Variants in ATP2B1 observed in about 807,000 individuals in gnomAD.
ATP2B1 encodes ATPase plasma membrane Ca2+ transporting 1.
A neutral mutation model predicts 124.2 loss-of-function variants in ATP2B1; 14 were observed. That is an observed-to-expected ratio of 0.11 (90% CI 0.07 to 0.18). ATP2B1 has a LOEUF of 0.18. ATP2B1 is among the 10% of genes least tolerant of loss of function. The pLI, the probability that ATP2B1 is intolerant of heterozygous loss-of-function variation, is 1.00. For missense variants in ATP2B1, 763 were observed against 1,466.1 expected (o/e 0.52, Z 7.83); for synonymous variants, 449 against 492.4 (o/e 0.91, Z 1.17).
chr12:89,614,689 G>C (rs1255387119), intron 12 of ATP2B1, among the ~76,000 whole-genome samples: 4 of 152,170 alleles, frequency 2.6e-5, no homozygotes, highest in Non-Finnish European at 4.4e-5. Flanking sequence ...GATTTCTTCA[G>C]ACTAGCCCAC....
At chr12:89,659,387 C>A (rs955386977) in intron 1 of ATP2B1, among the ~76,000 whole-genome samples, 1 of 151,858 alleles carries the variant, frequency 6.6e-6, no homozygotes, top group African/African-American at 2.4e-5. Flanking sequence ...CACACACGCA[C>A]AAGCACACGT....
Position 89,635,057 on chromosome 12 carries a change from G to T in ATP2B1, c.601C>A (p.Gln201Lys), listed in dbSNP as rs758047541. The T allele has an allele frequency of 6.2e-6, 10 of 1,613,816 alleles. No homozygotes were observed. The African/African-American group carries it at 1.3e-4, about 22-fold the overall frequency. Residue 201 changes from glutamine to lysine, a missense_variant, in exon 4 of 21, where the codon CAG becomes AAG. This residue lies in a region of ATP2B1 where 392 missense variants were observed against 776.6 expected (regional missense o/e 0.50). Transcript: ENST00000428670. Reference protein sequence around the residue: ...EQKFTVIRGGQVIQIPVADIT... With the variant: ...EQKFTVIRGGKVIQIPVADIT... ...TCAGCTACAGGTATCTGAATGACCT[G>T]ACCACCCCTGATGACAGTGAACTTC...
intron 1 of ATP2B1, among the ~76,000 whole-genome samples, chr12:89,683,408 C>T (rs1889594237): frequency 6.6e-6 from 1 of 152,136 alleles, no homozygotes. Flanking sequence ...CTTGGAATGC[C>T]CACTCTTCGG....
chr12:89,690,061 T>C (rs964756148), intron 1 of ATP2B1, among the ~76,000 whole-genome samples: 1 of 152,094 alleles, frequency 6.6e-6, no homozygotes, highest in Admixed American at 6.6e-5. Flanking sequence ...GGATTCTTTG[T>C]GGTAAGCTTT....
At chr12:89,691,320 A>G (rs1890534563) in intron 1 of ATP2B1, among the ~76,000 whole-genome samples, 1 of 152,158 alleles carries the variant, frequency 6.6e-6, no homozygotes, top group East Asian at 1.9e-4. Flanking sequence ...ATGACCTCAA[A>G]TATTAAAGTC....
chr12:89,668,460 T>C (rs1202331601), intron 1 of ATP2B1, among the ~76,000 whole-genome samples: 1 of 152,102 alleles, frequency 6.6e-6, no homozygotes, highest in South Asian at 2.1e-4. Context: ...AGAAAAAACA[T>C]ACAGTTTTCA....
At chr12:89,639,427 C>A (rs897598472) in intron 3 of ATP2B1, among the ~76,000 whole-genome samples, 1 of 151,982 alleles carries the variant, frequency 6.6e-6, no homozygotes, top group Non-Finnish European at 1.5e-5. Context: ...TCGCTTGAAC[C>A]TTGGAGATGG....
At chr12:89,658,631 G>GAGAGAGAGAGAT (rs1886278857) in intron 1 of ATP2B1, among the ~76,000 whole-genome samples, 1 of 151,332 alleles carries the variant, frequency 6.6e-6, no homozygotes, top group Non-Finnish European at 1.5e-5. Context: ...GAGAGAGAGA[G>GAGAGAGAGAGAT]AGAGAGAGAG....
intron 2 of ATP2B1, among the ~76,000 whole-genome samples, chr12:89,643,103 CGTAT>C (rs1883851935): frequency 6.9e-6 from 1 of 143,958 alleles, no homozygotes; most frequent in African/African-American, 2.6e-5. Flanking sequence ...TATATACATA[CGTAT>C]ATATATACGT....
rs528126516 is a variant in ATP2B1, at chr12:89,620,289, G to A, written c.1588-49C>T. 7.5e-4 allele frequency: 1,196 copies of A among 1,587,532 alleles called. 17 individuals carry two copies. The South Asian group carries it at 0.013, about 17-fold the overall frequency. On this transcript the variant is annotated intron_variant, in intron 10 of 20. Transcript: ENST00000428670. ...GCTAGTATCTCGTTTCTCTAAGAACGTTTAATTTATAATGTAAAACAGACT... is the reference window on the plus strand; with the variant it reads ...GCTAGTATCTCGTTTCTCTAAGAACATTTAATTTATAATGTAAAACAGACT...
At chr12:89,593,070 A>G (rs896037654) in intron 20 of ATP2B1, among the ~76,000 whole-genome samples, 5 of 151,964 alleles carry the variant, frequency 3.3e-5, no homozygotes, top group Admixed American at 6.6e-5. Context: ...ATATTTTTCA[A>G]CTTCTTTTAT....
At chr12:89,610,843 A>G (rs1877874492) in intron 13 of ATP2B1, 1 of 339,924 alleles carries the variant, frequency 2.9e-6, no homozygotes, top group Non-Finnish European at 5.3e-6. Flanking sequence ...TTAATTTAGC[A>G]TAAGAAGTTC....
At chr12:89,623,387 G>GT (rs1175716606) in intron 9 of ATP2B1, among the ~76,000 whole-genome samples, 1 of 147,124 alleles carries the variant, frequency 6.8e-6, no homozygotes, top group East Asian at 2.0e-4. Flanking sequence ...CACCTTTTCC[G>GT]TAAGATAGAA....
intron 12 of ATP2B1, among the ~76,000 whole-genome samples, chr12:89,615,003 C>G (rs1014473867): frequency 6.6e-6 from 1 of 152,082 alleles, no homozygotes; most frequent in Non-Finnish European, 1.5e-5. Flanking sequence ...ATGTCACTTC[C>G]CAGCCTGAAT....
chr12:89,596,400 T>C (rs1874619574), intron 20 of ATP2B1, among the ~76,000 whole-genome samples: 1 of 152,104 alleles, frequency 6.6e-6, no homozygotes, highest in South Asian at 2.1e-4. Flanking sequence ...GGTTGGAGAC[T>C]AGACTCATAA....
chr12:89,612,534 A>T (rs758357717), intron 12 of ATP2B1, among the ~76,000 whole-genome samples: 5 of 152,088 alleles, frequency 3.3e-5, no homozygotes, highest in Non-Finnish European at 5.9e-5. Context: ...AGAACCTGTA[A>T]CTGCAAAAGA....
At chr12:89,680,865 A>G (rs1889262171) in intron 1 of ATP2B1, among the ~76,000 whole-genome samples, 1 of 152,224 alleles carries the variant, frequency 6.6e-6, no homozygotes, top group Non-Finnish European at 1.5e-5. Flanking sequence ...AAAAGTAAGA[A>G]AACTAGACTT....
rs571648330 is a variant in ATP2B1, at chr12:89,588,674, C to T, written c.*2310G>A. 2 of 152,442 alleles carry T rather than the reference C, an allele frequency of 1.3e-5. No individual in the cohort carries two copies. The highest frequency in any genetic ancestry group is 1.9e-4 in the East Asian group (1 of 5,188). The allele number at this position is 152,442 out of a possible 1,614,324, so 9.4% of individuals were successfully genotyped here. On this transcript the variant is annotated 3_prime_UTR_variant, in exon 21 of 21. Coordinates refer to ENST00000428670, the MANE Select transcript of ATP2B1 (RefSeq NM_001366521.1). ...ACTACTTCATAGATGTCATAAGACC[C>T]GTTTATGGATTAGAGTTGGTGTAGA...
intron 3 of ATP2B1, among the ~76,000 whole-genome samples, chr12:89,638,473 T>C (rs989130082): frequency 1.3e-5 from 2 of 152,232 alleles, no homozygotes; most frequent in African/African-American, 2.4e-5. Context: ...ATTTCATTAA[T>C]GTGTAACATA....
Sources: allele counts gnomAD v4.1 joint callset (sites outside exome capture counted in the v4.1 genomes callset), GRCh38; gene constraint gnomAD v4.1.1; regional missense constraint gnomAD v4.1.1; transcripts MANE v1.5; gene names NCBI Gene and HGNC (gene_info 2026-07-23, HGNC 2026-07-21).